The following NLRP4 variants were observed in gnomAD, a reference collection of about 807,000 sequenced individuals.
NLRP4 encodes NACHT, LRR and PYD domains-containing protein 4.
In NLRP4, 44 loss-of-function variants were observed where a neutral mutation model predicts 84.7. The observed-to-expected ratio is 0.52, with a 90% CI of 0.41 to 0.67. The LOEUF (loss-of-function observed/expected upper bound fraction) is 0.67, where lower values mean the gene tolerates loss of function less well. Ranked by LOEUF, NLRP4 falls within the 30% of genes least tolerant of loss-of-function variation. NLRP4 has a pLI of 0.00. For missense variants in NLRP4, 1,260 were observed against 1,219.4 expected (o/e 1.03, Z -0.50); for synonymous variants, 544 against 476.4 (o/e 1.14, Z -1.85).
Position 55,858,372 on chromosome 19 carries a change from C to T in NLRP4, c.979C>T (p.Leu327Phe). ...GAAAAGAGCCATGGAAGCCTTCAAT[C>T]TTGTAAGAGAAAGTGAACAGCTGTT... ...DPKRAMEAFN[L>F]VRESEQLFSI... The change falls in exon 3 of 10, where the codon CTT becomes TTT. Residue 327 changes from leucine (L) to phenylalanine (F), a missense_variant. Around this residue, in one of 3 missense-constraint regions of NLRP4, gnomAD observed 712 missense variants for 669.2 expected, o/e 1.06. Coordinates refer to ENST00000301295, the MANE Select transcript of NLRP4 (RefSeq NM_134444.5). The surrounding 1 kb of genome is among the most constrained non-coding windows in gnomAD (Gnocchi z 4.2). 1 of 1,614,202 alleles carries T rather than the reference C, an allele frequency of 6.2e-7. No individual in the cohort carries two copies. The highest frequency in any genetic ancestry group is 8.5e-7 in the Non-Finnish European group (1 of 1,180,034).
At chr19:55,876,239 A>G (rs910010522) in intron 7 of NLRP4, among the ~76,000 whole-genome samples, 2 of 152,204 alleles carry the variant, frequency 1.3e-5, no homozygotes, top group African/African-American at 4.8e-5. Context: ...TAGACCTCCA[A>G]CAAACGATGC....
intron 1 of NLRP4, among the ~76,000 whole-genome samples, chr19:55,841,658 T>A (rs1015480228): frequency 6.6e-6 from 1 of 152,008 alleles, no homozygotes; most frequent in Admixed American, 6.6e-5. Flanking sequence ...GTCAGGAGAT[T>A]GAGACCATCC....
chr19:55,845,979 A>T (rs1245764431), intron 1 of NLRP4, among the ~76,000 whole-genome samples: 4 of 152,030 alleles, frequency 2.6e-5, no homozygotes. Context: ...AGGTTGCCTG[A>T]TCACTCTGAT....
At chr19:55,856,337 A>C (rs1253422567) in intron 2 of NLRP4, among the ~76,000 whole-genome samples, 1 of 152,014 alleles carries the variant, frequency 6.6e-6, no homozygotes, top group Non-Finnish European at 1.5e-5. Flanking sequence ...AGAAGAGTCC[A>C]GCGTCTGTGT....
intron 7 of NLRP4, among the ~76,000 whole-genome samples, chr19:55,872,926 A>C (rs1265352157): frequency 6.6e-6 from 1 of 151,704 alleles, no homozygotes; most frequent in African/African-American, 2.4e-5. Context: ...GGGCGGGGGA[A>C]AGTGATATCT....
intron 5 of NLRP4, among the ~76,000 whole-genome samples, chr19:55,867,471 G>T (rs1447826434): frequency 1.3e-5 from 2 of 151,028 alleles, no homozygotes; most frequent in Admixed American, 6.6e-5. Flanking sequence ...TCTCAGGTTG[G>T]CTGTCTCTGT....
At chr19:55,856,194 A>G (rs950527025) in intron 2 of NLRP4, among the ~76,000 whole-genome samples, 1 of 152,090 alleles carries the variant, frequency 6.6e-6, no homozygotes, top group Non-Finnish European at 1.5e-5. Context: ...GGGTTTCACC[A>G]TGTTGACCAG....
chr19:55,853,765 C>T (rs922447828), intron 2 of NLRP4, among the ~76,000 whole-genome samples: 3 of 148,556 alleles, frequency 2.0e-5, no homozygotes, highest in African/African-American at 5.2e-5. Flanking sequence ...TTCTCTTTCT[C>T]TCTCTCTCTC....
intron 1 of NLRP4, among the ~76,000 whole-genome samples, chr19:55,848,243 C>T (rs922288361): frequency 5.3e-5 from 8 of 152,250 alleles, no homozygotes; most frequent in Non-Finnish European, 8.8e-5. Flanking sequence ...AGGAAGACCA[C>T]GAAGGAAAGG....
Position 55,852,246 on chromosome 19 carries a change from G to T in NLRP4, c.166G>T (p.Ala56Ser). Residue 56 changes from alanine (A) to serine (S), a missense_variant, in exon 2 of 10, where the codon GCA (alanine) becomes TCA (serine). Coordinates refer to ENST00000301295, the MANE Select transcript of NLRP4 (RefSeq NM_134444.5). ...CAAAAAAGCATCCCGGGAAGAACTT[G>T]CAAACCTCTTGATCAAGCACTATGA... Reference protein sequence around the residue: ...EVKKASREELANLLIKHYEEQ... With the variant: ...EVKKASREELSNLLIKHYEEQ... 1 of 1,609,560 alleles carries T rather than the reference G, an allele frequency of 6.2e-7. No individual in the cohort carries two copies. The highest frequency in any genetic ancestry group is 8.5e-7 in the Non-Finnish European group (1 of 1,178,720).
intron 9 of NLRP4, among the ~76,000 whole-genome samples, chr19:55,879,259 G>A (rs939383776): frequency 2.0e-5 from 3 of 151,740 alleles, no homozygotes; most frequent in African/African-American, 7.3e-5. Context: ...ATCCAAGGAC[G>A]CAGATACACA....
chr19:55,873,072 A>G (rs970715793), intron 7 of NLRP4, among the ~76,000 whole-genome samples: 1 of 152,172 alleles, frequency 6.6e-6, no homozygotes, highest in Non-Finnish European at 1.5e-5. Flanking sequence ...AACTATCAAG[A>G]ATGAGGATAA....
chr19:55,847,244 G>C (rs1983833778), intron 1 of NLRP4, among the ~76,000 whole-genome samples: 1 of 151,894 alleles, frequency 6.6e-6, no homozygotes, highest in South Asian at 2.1e-4. Context: ...CCCTTTTATT[G>C]ACTTTGCTAT....
chr19:55,854,259 A>C (rs1984323450), intron 2 of NLRP4, among the ~76,000 whole-genome samples: 1 of 152,184 alleles, frequency 6.6e-6, no homozygotes, highest in Non-Finnish European at 1.5e-5. Flanking sequence ...GGCATGAGCC[A>C]CCATGCCTGG....
intron 2 of NLRP4, among the ~76,000 whole-genome samples, chr19:55,853,883 ATCTCTTTCTCTCTCTCTC>A (rs1568661682): frequency 1.2e-5 from 1 of 81,650 alleles, no homozygotes; most frequent in Admixed American, 1.1e-4. Flanking sequence ...CTCTCTTGCT[ATCTCTTTCTCTCTCTCTC>A]TCTCTTTCTC....
chr19:55,852,324 A>C lies in NLRP4; in HGVS notation c.244A>C (p.Lys82Gln). 6.2e-7 allele frequency: 1 copy of C among 1,606,866 alleles called. No individual in the cohort carries two copies. The highest frequency in any genetic ancestry group is 8.5e-7 in the Non-Finnish European group (1 of 1,177,778). The change falls in exon 2 of 10, where the codon AAG (lysine) becomes CAG (glutamine). Residue 82 changes from lysine (K) to glutamine (Q), a missense_variant. Coordinates refer to ENST00000301295, the MANE Select transcript of NLRP4 (RefSeq NM_134444.5). Reference protein sequence around the residue: ...TLRIFQKMDRKDLCMKVMRER... With the variant: ...TLRIFQKMDRQDLCMKVMRER... ...AAGAATCTTTCAAAAGATGGATAGA[A>C]AGGATCTCTGCATGAAGGTCATGAG... is the stretch of plus-strand genomic sequence containing the variant.
Position 55,870,975 on chromosome 19 carries a change from G to C in NLRP4, c.2503G>C (p.Asp835His). Residue 835 changes from aspartate (D) to histidine (H), a missense_variant, in exon 7 of 10, where the codon GAC becomes CAC. This residue lies in a region of NLRP4 where 544 missense variants were observed against 531.7 expected (regional missense o/e 1.02). Coordinates refer to ENST00000301295, the MANE Select transcript of NLRP4 (RefSeq NM_134444.5). ...TCTCTGCGAGGCCTTGAAACATCCG[G>C]ACTGCTGCCTGGATTCACTGTGGTA... ...KTLCEALKHP[D>H]CCLDSLCLVK... The C allele has an allele frequency of 6.2e-7, 1 of 1,614,136 alleles. No individual in the cohort carries two copies. The highest frequency in any genetic ancestry group is 8.5e-7 in the Non-Finnish European group (1 of 1,180,000).
rs1983965514 is a variant in NLRP4, at chr19:55,849,896, G to GGTGTAATTTCCGTAGCC, written c.-65-2119_-65-2118insTGTAATTTCCGTAGCCG. Reference sequence around the variant, plus strand: ...TGGCCGCGGTGTAATTTCCGTGGCCGGCGGTGTAATTTCCGTAGCCGCGGT... The same window carrying GGTGTAATTTCCGTAGCC: ...TGGCCGCGGTGTAATTTCCGTGGCCGGTGTAATTTCCGTAGCCGCGGTGTAATTTCCGTAGCCGCGGT... On this transcript the variant is annotated intron_variant, in intron 1 of 9. Transcript: ENST00000301295. 6.5e-4 allele frequency among the ~76,000 whole-genome samples: 10 copies of GGTGTAATTTCCGTAGCC among 15,278 alleles called. 1 individual carries two copies. Among genetic ancestry groups the GGTGTAATTTCCGTAGCC allele is most frequent in the African/African-American group, 2.2e-3 (10 of 4,630 alleles). 10.0% of individuals were successfully genotyped at this position (15,278 alleles called of 152,430 possible). A position where few individuals can be genotyped will look rare whatever the true frequency, so the allele number is the denominator to read the frequency against.
Position 55,871,583 on chromosome 19 carries a change from T to C in NLRP4, c.2525+586T>C, listed in dbSNP as rs1355911709. ...TACCAGTTAGGATAACATGTTGTTA[T>C]GTATTTTCCCTGAAAAATACAGAGG... On this transcript the variant is annotated intron_variant, in intron 7 of 9. Coordinates refer to ENST00000301295, the MANE Select transcript of NLRP4 (RefSeq NM_134444.5). Among the ~76,000 whole-genome samples the C allele has an allele frequency of 3.3e-5, 5 of 152,222 alleles. No homozygotes were observed. In the South Asian group the frequency reaches 6.2e-4, roughly 19 times the overall value.
Sources: gnomAD v4.1 joint callset for allele counts (sites outside exome capture counted in the v4.1 genomes callset) on GRCh38, gnomAD v4.1.1 for gene constraint, gnomAD v4.1.1 regional missense constraint, Gnocchi (gnomAD v3.1) non-coding constraint, MANE v1.5 for transcripts, NCBI Gene and HGNC (gene_info 2026-07-23, HGNC 2026-07-21) for gene names.